FBXO17: variants seen among roughly 807,000 people sequenced by gnomAD.
FBXO17 encodes the protein F-box protein 17.
FBXO17 carries 43 observed loss-of-function variants against 34.1 expected under a neutral mutation model. The ratio of observed to expected loss-of-function variants is 1.26; its 90% CI spans 0.99 to 1.62. The LOEUF (loss-of-function observed/expected upper bound fraction) is 1.62. FBXO17 is among the 40% of genes most tolerant of loss of function. The pLI, the probability that FBXO17 is intolerant of heterozygous loss-of-function variation, is 0.00. For synonymous variants in FBXO17, 169 were observed against 166.0 expected (o/e 1.02, Z -0.14); for missense variants, 424 against 386.7 (o/e 1.10, Z -0.81).
At chr19:38,949,794 C>T in intron 2 of FBXO17, 177 bp downstream of exon 2, 4 of 790,920 alleles carry the variant, frequency 5.1e-6, no homozygotes, top group Non-Finnish European at 7.6e-6. Context: ...CCGGCTTCAC[C>T]TTCTCCAGCC....
rs547410465 is a variant in FBXO17 at position 38,957,771 on chromosome 19, G to C, written c.-17-7435C>G. On this transcript the variant is annotated intron_variant, in intron 1 of 5. Coordinates refer to ENST00000292852, the MANE Select transcript of FBXO17 (RefSeq NM_024907.7). ...AGCAGAGATGTTCAAGAAATGTACT[G>C]AATGAGCCCTCAGCTATCCACACAA... Among the ~76,000 whole-genome samples the C allele has an allele frequency of 3.3e-4, 50 of 152,268 alleles. No homozygotes were observed. In the East Asian group the frequency reaches 9.7e-3, roughly 29 times the overall value.
At chr19:38,943,216 T>G (rs1974919804) in intron 5 of FBXO17, among the ~76,000 whole-genome samples, 2 of 13,000 alleles carry the variant, frequency 1.5e-4, no homozygotes, top group African/African-American at 3.4e-3. Context: ...GACTTTGGCT[T>G]TTTTTTTTTT....
chr19:38,955,809 A>G (rs1975159272), intron 1 of FBXO17, among the ~76,000 whole-genome samples: 1 of 152,068 alleles, frequency 6.6e-6, no homozygotes, highest in African/African-American at 2.4e-5. Flanking sequence ...GCTATAAATT[A>G]TATGACCAAT....
At chr19:38,947,422 C>G (rs551204846) in intron 3 of FBXO17, 1 of 152,098 alleles carries the variant, frequency 6.6e-6, no homozygotes, top group East Asian at 1.9e-4. Flanking sequence ...CTCTTCTCTA[C>G]AAAAAATACA....
chr19:38,949,839 C>T, intron 2 of FBXO17, 132 bp downstream of exon 2: 1 of 1,161,680 alleles, frequency 8.6e-7, no homozygotes, highest in Non-Finnish European at 1.2e-6. Flanking sequence ...GCACTGCGTC[C>T]CTCAGCCCCG....
chr19:38,959,327 G>T (rs1438170662), intron 1 of FBXO17, among the ~76,000 whole-genome samples: 3 of 147,542 alleles, frequency 2.0e-5, no homozygotes, highest in Admixed American at 6.9e-5. Flanking sequence ...TGCCCAGGCT[G>T]GAGTGCAATG....
chr19:38,957,640 G>A (rs760648708), intron 1 of FBXO17, among the ~76,000 whole-genome samples: 8 of 152,100 alleles, frequency 5.3e-5, no homozygotes, highest in South Asian at 2.1e-4. Context: ...CACTGCGCCC[G>A]GCAGTTCCTG....
chr19:38,954,608 T>G (rs1363144015), intron 1 of FBXO17, among the ~76,000 whole-genome samples: 4 of 120,174 alleles, frequency 3.3e-5, no homozygotes, highest in African/African-American at 1.3e-4. Context: ...AGACAGAGTT[T>G]CACTCTTGTT....
rs1457117261 is a variant in FBXO17 at position 38,950,314 on chromosome 19, G to A, written c.6C>T (p.Gly2=). ...GCAGCCGTCGCCGCGATAGCCGGGC[G>A]CCCATCTCCAGTAGCCAGAGTCCTG... The part of the protein sequence containing the change: M[G]ARLSRRRLPA... Residue 2 remains glycine, a synonymous_variant, in exon 2 of 6, where the codon GGC becomes GGT. Transcript: ENST00000292852. 2 of 1,430,298 alleles carry A rather than the reference G, an allele frequency of 1.4e-6. No individual in the cohort carries two copies. Among genetic ancestry groups the A allele is most frequent in the Non-Finnish European group, 1.8e-6 (2 of 1,101,084 alleles). The allele number at this position is 1,430,298 out of a possible 1,614,324, so 88.6% of individuals were successfully genotyped here. A position where few individuals can be genotyped will look rare whatever the true frequency, so the allele number is the denominator to read the frequency against.
chr19:38,948,641 G>A lies in FBXO17; in HGVS notation c.387C>T (p.Asn129=), dbSNP rs568844220. Residue 129 remains asparagine, a synonymous_variant, in exon 3 of 6, where the codon AAC becomes AAT. Transcript: ENST00000292852. ...FRGWEVEHGG[N]GWAIEKNLTP... Reference sequence around the variant, plus strand: ...TTAGGTTCTTTTCTATGGCCCAGCCGTTCCCGCCATGCTCCACCTCCCAGC... The same window carrying A: ...TTAGGTTCTTTTCTATGGCCCAGCCATTCCCGCCATGCTCCACCTCCCAGC... 1.2e-5 allele frequency: 19 copies of A among 1,614,042 alleles called. No individual in the cohort carries two copies. Among genetic ancestry groups the A allele is most frequent in the Middle Eastern group, 3.3e-4 (2 of 6,062 alleles).
At chr19:38,950,475 C>CT (rs1451097232) in intron 1 of FBXO17, 139 bp from the exon 2 acceptor site, 1 of 1,218,128 alleles carries the variant, frequency 8.2e-7, no homozygotes, top group Non-Finnish European at 1.1e-6. Flanking sequence ...ATTTCCCTCT[C>CT]TGATCCTAGG....
intron 1 of FBXO17, among the ~76,000 whole-genome samples, chr19:38,972,261 C>T (rs1008915100): frequency 3.9e-5 from 6 of 151,962 alleles, no homozygotes; most frequent in African/African-American, 7.3e-5. Flanking sequence ...AAAACTAGGC[C>T]GGGAGCAGTG....
intron 2 of FBXO17, among the ~76,000 whole-genome samples, chr19:38,949,599 C>T (rs1975040421): frequency 2.0e-5 from 3 of 151,840 alleles, no homozygotes; most frequent in African/African-American, 4.8e-5. Flanking sequence ...ACGATCATAG[C>T]TCACTGCAGC....
rs1380060668 is a variant in FBXO17, at chr19:38,966,299, G to GTGTGTGTGTGTA, written c.-18+9286_-18+9287insTACACACACACA. The stretch of plus-strand genomic sequence containing the variant: ...TTCTCTTAAATTAAAAATTTTGTGT[G>GTGTGTGTGTGTA]TGTGTGTGTGTGTGTGTGTGTGGAG... On this transcript the variant is annotated intron_variant, in intron 1 of 5. Coordinates refer to ENST00000292852, the MANE Select transcript of FBXO17 (RefSeq NM_024907.7). 6.2e-4 allele frequency among the ~76,000 whole-genome samples: 93 copies of GTGTGTGTGTGTA among 150,348 alleles called. 1 individual carries two copies. The highest frequency in any genetic ancestry group is 4.6e-3 in the Admixed American group (68 of 14,806).
chr19:38,963,613 A>G (rs994733856), intron 1 of FBXO17, among the ~76,000 whole-genome samples: 5 of 152,112 alleles, frequency 3.3e-5, no homozygotes, highest in Non-Finnish European at 5.9e-5. Context: ...TTGTGTATCA[A>G]TCAGTAGTCT....
chr19:38,954,426 C>T (rs137906159), intron 1 of FBXO17, among the ~76,000 whole-genome samples: 3 of 151,658 alleles, frequency 2.0e-5, no homozygotes, highest in Non-Finnish European at 4.4e-5. Context: ...TCTGCCACCA[C>T]GCCTGGCTAA....
At chr19:38,957,174 C>T (rs955582750) in intron 1 of FBXO17, among the ~76,000 whole-genome samples, 3 of 151,852 alleles carry the variant, frequency 2.0e-5, no homozygotes, top group African/African-American at 7.3e-5. Context: ...GCAGAGATCA[C>T]ATCACTCACT....
At chr19:38,955,988 A>G (rs1975161553) in intron 1 of FBXO17, among the ~76,000 whole-genome samples, 1 of 152,002 alleles carries the variant, frequency 6.6e-6, no homozygotes, top group Non-Finnish European at 1.5e-5. Flanking sequence ...ATATTAGTCC[A>G]GGCATGGTGG....
At chr19:38,957,062 C>T (rs1975176591) in intron 1 of FBXO17, among the ~76,000 whole-genome samples, 1 of 151,958 alleles carries the variant, frequency 6.6e-6, no homozygotes, top group South Asian at 2.1e-4. Flanking sequence ...TGGAGACAGA[C>T]TTTACAAAGA....
Sources: gnomAD v4.1 joint callset for allele counts (sites outside exome capture counted in the v4.1 genomes callset) on GRCh38, gnomAD v4.1.1 for gene constraint, MANE v1.5 for transcripts, NCBI Gene and HGNC (gene_info 2026-07-23, HGNC 2026-07-21) for gene names.